The following CNTN6 variants were observed in gnomAD, a reference collection of about 807,000 sequenced individuals.
CNTN6 encodes contactin-6.
In CNTN6, 137 loss-of-function variants were observed where a neutral mutation model predicts 122.8. The observed-to-expected ratio is 1.12, with a 90% confidence interval of 0.97 to 1.29. The LOEUF (loss-of-function observed/expected upper bound fraction) is 1.29. Ranked by LOEUF, CNTN6 falls within the 50% of genes most tolerant of loss-of-function variation. CNTN6 has a pLI of 0.00. For synonymous variants in CNTN6, 570 were observed against 426.0 expected (o/e 1.34, Z -4.16); for missense variants, 1,634 against 1,223.4 (o/e 1.34, Z -5.01).
intron 2 of CNTN6, among the ~76,000 whole-genome samples, chr3:1,216,491 C>T (rs907155549): frequency 2.0e-5 from 3 of 151,972 alleles, no homozygotes; most frequent in Admixed American, 6.6e-5. Flanking sequence ...GTACTTACAA[C>T]GTCTCACACA....
At chr3:1,291,019 C>T (rs991757748) in intron 5 of CNTN6, among the ~76,000 whole-genome samples, 3 of 152,126 alleles carry the variant, frequency 2.0e-5, no homozygotes, top group Admixed American at 6.5e-5. Context: ...TTACACAGCC[C>T]GTATTCAAGA....
chr3:1,318,416 C>T (rs1333358641), intron 7 of CNTN6, among the ~76,000 whole-genome samples: 4 of 151,552 alleles, frequency 2.6e-5, no homozygotes, highest in Admixed American at 2.0e-4. Context: ...ATAAGAAATA[C>T]TTAAGGTTTC....
chr3:1,105,657 C>T (rs2091182892), intron 1 of CNTN6, among the ~76,000 whole-genome samples: 1 of 152,046 alleles, frequency 6.6e-6, no homozygotes, highest in Non-Finnish European at 1.5e-5. Flanking sequence ...TTGTTCTAGT[C>T]TTATTAAAGA....
At chr3:1,259,293 G>A (rs1052472820) in intron 4 of CNTN6, among the ~76,000 whole-genome samples, 6 of 152,004 alleles carry the variant, frequency 3.9e-5, no homozygotes, top group African/African-American at 1.4e-4. Flanking sequence ...ATGGTAGAAG[G>A]GCATTTGAAC....
intron 20 of CNTN6, among the ~76,000 whole-genome samples, chr3:1,396,099 G>A (rs746100378): frequency 6.6e-6 from 1 of 152,030 alleles, no homozygotes; most frequent in Non-Finnish European, 1.5e-5. Context: ...AAATGTCATT[G>A]TCTCCTCTAT....
At chr3:1,271,127 C>A (rs1225178281) in intron 4 of CNTN6, among the ~76,000 whole-genome samples, 1 of 152,172 alleles carries the variant, frequency 6.6e-6, no homozygotes, top group Non-Finnish European at 1.5e-5. Flanking sequence ...ATCCGCCCAC[C>A]TTGGTGTCCC....
chr3:1,345,338 A>G (rs1704521976), intron 11 of CNTN6, among the ~76,000 whole-genome samples: 2 of 151,558 alleles, frequency 1.3e-5, no homozygotes, highest in Admixed American at 6.6e-5. Flanking sequence ...CTGGTCTCGA[A>G]CTCCTGACCT....
chr3:1,387,746 T>C (rs947548875), intron 20 of CNTN6, among the ~76,000 whole-genome samples: 13 of 151,752 alleles, frequency 8.6e-5, no homozygotes, highest in Non-Finnish European at 1.3e-4. Context: ...ATTGCCTCAC[T>C]TGGGAAGCGC....
intron 5 of CNTN6, among the ~76,000 whole-genome samples, chr3:1,286,509 C>A (rs896254100): frequency 6.6e-6 from 1 of 152,088 alleles, no homozygotes; most frequent in African/African-American, 2.4e-5. Context: ...CATCCATGTC[C>A]CTGCAAAGGA....
At chr3:1,138,529 C>G (rs2092537426) in intron 1 of CNTN6, among the ~76,000 whole-genome samples, 1 of 151,630 alleles carries the variant, frequency 6.6e-6, no homozygotes, top group Non-Finnish European at 1.5e-5. Context: ...TTTGTTTTTT[C>G]TTTAATTTGA....
intron 12 of CNTN6, among the ~76,000 whole-genome samples, 175 bp downstream of exon 12, chr3:1,352,626 G>T (rs1021545033): frequency 4.0e-5 from 6 of 151,750 alleles, no homozygotes; most frequent in African/African-American, 1.4e-4. Flanking sequence ...TTGCCAGTGG[G>T]ATACCATGGT....
chr3:1,126,163 T>C (rs1466970042), intron 1 of CNTN6, among the ~76,000 whole-genome samples: 1 of 151,750 alleles, frequency 6.6e-6, no homozygotes, highest in Non-Finnish European at 1.5e-5. Flanking sequence ...TTGCTGGTTT[T>C]ATTAGCTTAT....
At chr3:1,233,294 C>G (rs1269434083) in intron 4 of CNTN6, among the ~76,000 whole-genome samples, 1 of 152,118 alleles carries the variant, frequency 6.6e-6, no homozygotes, top group Non-Finnish European at 1.5e-5. Flanking sequence ...GCAAGGGCAA[C>G]TGATAGACTG....
At chr3:1,149,819 G>T (rs1260768606) in intron 2 of CNTN6, among the ~76,000 whole-genome samples, 2 of 152,014 alleles carry the variant, frequency 1.3e-5, no homozygotes, top group African/African-American at 4.8e-5. Context: ...TTAACATTTT[G>T]CCCTTTAAAT....
At chr3:1,268,093 T>C (rs1287208174) in intron 4 of CNTN6, among the ~76,000 whole-genome samples, 1 of 152,236 alleles carries the variant, frequency 6.6e-6, no homozygotes, top group Non-Finnish European at 1.5e-5. Flanking sequence ...GTTTTGGCAC[T>C]GTCCTCCCTG....
intron 2 of CNTN6, among the ~76,000 whole-genome samples, chr3:1,155,549 G>A (rs1396903448): frequency 6.6e-6 from 1 of 151,912 alleles, no homozygotes; most frequent in Non-Finnish European, 1.5e-5. Flanking sequence ...TTTTTGAAAC[G>A]AATACAGTTT....
At chr3:1,197,965 G>T (rs1873181) in intron 2 of CNTN6, among the ~76,000 whole-genome samples, 79,638 of 151,868 alleles carry the variant, frequency 0.52, 21,763 homozygotes, top group East Asian at 0.81. Context: ...AAATTACTTT[G>T]ACAGTATCCA....
At chr3:1,274,638 TA>T (rs1302392476) in intron 4 of CNTN6, among the ~76,000 whole-genome samples, 8 of 152,168 alleles carry the variant, frequency 5.3e-5, no homozygotes, top group Admixed American at 1.3e-4. Context: ...GTAATGTAGT[TA>T]GCAGAGATAA....
chr3:1,395,784 A>G (rs957350862), intron 20 of CNTN6, among the ~76,000 whole-genome samples: 1 of 152,166 alleles, frequency 6.6e-6, no homozygotes, highest in African/African-American at 2.4e-5. Context: ...GAGCACTTCT[A>G]TGTCCCCAGC....
Sources: allele counts gnomAD v4.1 joint callset (sites outside exome capture counted in the v4.1 genomes callset), GRCh38; gene constraint gnomAD v4.1.1; transcripts MANE v1.5; gene names NCBI Gene and HGNC (gene_info 2026-07-23, HGNC 2026-07-21).